HIF1A: variants seen among roughly 807,000 people sequenced by gnomAD.
HIF1A encodes hypoxia-inducible factor 1-alpha.
A neutral mutation model predicts 92.7 loss-of-function variants in HIF1A; 24 were observed. The ratio of observed to expected loss-of-function variants is 0.26; its 90% CI spans 0.19 to 0.36. The LOEUF (loss-of-function observed/expected upper bound fraction) is 0.36. Among genes scored for constraint, HIF1A ranks in the 10% least tolerant of loss-of-function variants. HIF1A has a pLI of 1.00. For synonymous variants in HIF1A, 319 were observed against 338.7 expected, an observed-to-expected ratio of 0.94 and a Z score of 0.64; for missense variants, 799 against 998.5, an observed-to-expected ratio of 0.80 and a Z score of 2.69.
chr14:61,700,652 A>G (rs2044167362), intron 1 of HIF1A, among the ~76,000 whole-genome samples: 1 of 152,250 alleles, frequency 6.6e-6, no homozygotes, highest in Non-Finnish European at 1.5e-5. Context: ...ATACATATCC[A>G]GAAGAGGGAT....
intron 1 of HIF1A, 140 bp from the exon 2 acceptor site, chr14:61,720,242 G>T: frequency 1.7e-6 from 1 of 590,058 alleles, no homozygotes; most frequent in Admixed American, 3.7e-5. Context: ...TAATCTAGTA[G>T]ACAAATCTCC....
At chr14:61,711,563 T>G (rs1238435017) in intron 1 of HIF1A, among the ~76,000 whole-genome samples, 1 of 152,242 alleles carries the variant, frequency 6.6e-6, no homozygotes, top group Non-Finnish European at 1.5e-5. Flanking sequence ...ATCTCTTTCC[T>G]GGCAAGATCA....
At chr14:61,745,846 T>C in intron 14 of HIF1A, 29 bp downstream of exon 14, 2 of 1,559,496 alleles carry the variant, frequency 1.3e-6, no homozygotes, top group Non-Finnish European at 1.8e-6. Context: ...ACCTTGAACA[T>C]CACAAAGACA....
chr14:61,725,413 T>G (rs2044491924), intron 4 of HIF1A, among the ~76,000 whole-genome samples: 1 of 74,358 alleles, frequency 1.3e-5, no homozygotes, highest in Non-Finnish European at 4.1e-5. Flanking sequence ...AGTTCCTTAT[T>G]TTTTTTAATT....
intron 9 of HIF1A, among the ~76,000 whole-genome samples, chr14:61,737,711 A>C (rs567610606): frequency 2.5e-4 from 38 of 152,338 alleles, no homozygotes; most frequent in Admixed American, 7.8e-4. Flanking sequence ...TTTGTGAAAA[A>C]GAACATAAAT....
At chr14:61,738,490 T>G in intron 10 of HIF1A, 117 bp downstream of exon 10, 2 of 999,884 alleles carry the variant, frequency 2.0e-6, no homozygotes, top group Non-Finnish European at 3.0e-6. Flanking sequence ...GTGTGTGTGT[T>G]TGAATTTTAG....
intron 1 of HIF1A, among the ~76,000 whole-genome samples, chr14:61,718,988 C>T (rs1359662969): frequency 6.6e-6 from 1 of 152,150 alleles, no homozygotes; most frequent in African/African-American, 2.4e-5. Context: ...AAACTAGTAT[C>T]AGTATTGTCA....
intron 4 of HIF1A, among the ~76,000 whole-genome samples, chr14:61,725,914 C>G (rs115652495): frequency 6.6e-6 from 1 of 151,434 alleles, no homozygotes; most frequent in East Asian, 2.0e-4. Flanking sequence ...CTGCCTCCCA[C>G]GTTCGAGTGA....
chr14:61,732,988 A>G (rs2044594499), intron 7 of HIF1A, among the ~76,000 whole-genome samples: 1 of 152,242 alleles, frequency 6.6e-6, no homozygotes, highest in Admixed American at 6.5e-5. Context: ...TGATATAGGC[A>G]TGCAGTGCAT....
intron 1 of HIF1A, among the ~76,000 whole-genome samples, chr14:61,711,686 G>A (rs1272585977): frequency 6.6e-6 from 1 of 152,038 alleles, no homozygotes; most frequent in African/African-American, 2.4e-5. Flanking sequence ...GGCTCTGCTG[G>A]CTCTGATGTT....
chr14:61,730,150 A>G (rs2140145390), intron 6 of HIF1A, among the ~76,000 whole-genome samples: 1 of 152,324 alleles, frequency 6.6e-6, no homozygotes, highest in South Asian at 2.1e-4. Context: ...TGAGTAGTAT[A>G]CTGCTTTAGA....
chr14:61,715,737 C>T (rs1323063858), intron 1 of HIF1A: 2 of 152,338 alleles, frequency 1.3e-5, no homozygotes, highest in Non-Finnish European at 2.9e-5. Context: ...GGGTGGCTCA[C>T]ACCTATAATC....
At chr14:61,735,518 T>G (rs1439897680) in intron 8 of HIF1A, among the ~76,000 whole-genome samples, 2 of 152,220 alleles carry the variant, frequency 1.3e-5, no homozygotes, top group African/African-American at 2.4e-5. Context: ...CTTCTCTATT[T>G]TAGCAGTTAT....
chr14:61,726,942 T>G (rs1360050893), intron 5 of HIF1A, 124 bp downstream of exon 5: 1 of 558,284 alleles, frequency 1.8e-6, no homozygotes, highest in African/African-American at 2.0e-5. Context: ...ATGTAACATT[T>G]ATATCTTCAA....
chr14:61,731,493 A>G (rs536693402), intron 6 of HIF1A, among the ~76,000 whole-genome samples: 1 of 152,316 alleles, frequency 6.6e-6, no homozygotes, highest in Non-Finnish European at 1.5e-5. Context: ...ATCTGAAATT[A>G]CTCCCATAAT....
At position 61,726,701 on chromosome 14, in the gene HIF1A, A is replaced by G; in HGVS notation, c.458-5A>G. On this transcript the variant is annotated splice_region_variant and splice_polypyrimidine_tract_variant and intron_variant, in intron 4 of 14. Coordinates refer to ENST00000337138, the MANE Select transcript of HIF1A (RefSeq NM_001530.4). ...CTTTAAAACTTTATTTCATGCTTTC[A>G]TTAGGCCTTGTGAAAAAGGGTAAAG... The G allele has an allele frequency of 6.4e-7, 1 of 1,570,384 alleles. No individual in the cohort carries two copies. Among genetic ancestry groups the G allele is most frequent in the African/African-American group, 1.4e-5 (1 of 73,324 alleles).
intron 4 of HIF1A, 116 bp from the exon 5 acceptor site, chr14:61,726,590 C>T: frequency 1.7e-6 from 1 of 597,606 alleles, no homozygotes; most frequent in Admixed American, 3.3e-5. Flanking sequence ...TGTGTTCATG[C>T]TGAGACTTAA....
intron 1 of HIF1A, among the ~76,000 whole-genome samples, chr14:61,704,647 T>C (rs2044216632): frequency 1.3e-5 from 2 of 152,204 alleles, no homozygotes; most frequent in South Asian, 2.1e-4. Context: ...GCCTTCACTG[T>C]GAATGGATGA....
intron 2 of HIF1A, 91 bp downstream of exon 2, chr14:61,720,663 G>C: frequency 1.3e-6 from 1 of 767,442 alleles, no homozygotes; most frequent in South Asian, 2.2e-5. Flanking sequence ...GCAATGTTTT[G>C]ATTTTGTATA....
Sources: allele counts gnomAD v4.1 joint callset (sites outside exome capture counted in the v4.1 genomes callset), GRCh38; gene constraint gnomAD v4.1.1; transcripts MANE v1.5; gene names NCBI Gene and HGNC (gene_info 2026-07-23, HGNC 2026-07-21).